WDR7: variants seen among roughly 807,000 people sequenced by gnomAD.
WDR7 encodes the protein WD repeat-containing protein 7.
A neutral mutation model predicts 169.4 loss-of-function variants in WDR7; 46 were observed. That is an observed-to-expected ratio of 0.27 (90% CI 0.21 to 0.35). The LOEUF (loss-of-function observed/expected upper bound fraction) is 0.35. Among genes scored for constraint, WDR7 ranks in the 10% least tolerant of loss-of-function variants. WDR7 has a pLI of 1.00. For missense variants in WDR7, 1,534 were observed against 1,859.3 expected, an observed-to-expected ratio of 0.83 and a Z score of 3.22; for synonymous variants, 612 against 666.8, an observed-to-expected ratio of 0.92 and a Z score of 1.27.
chr18:56,984,124 T>A (rs1335808226), intron 26 of WDR7, among the ~76,000 whole-genome samples: 4 of 152,248 alleles, frequency 2.6e-5, no homozygotes, highest in Non-Finnish European at 4.4e-5. Context: ...AAATTTTCAC[T>A]GTCCTATTTT....
In WDR7 at chr18:56,949,128, GTCTC is replaced by G. The variant is rs10537966; in HGVS notation, c.4064+9759_4064+9762del. On this transcript the variant is annotated intron_variant, in intron 25 of 27. Transcript: ENST00000254442. ...TTTTTGCCCCCACTGGTTTTCTAAA[GTCTC>G]TCTCTCTCTCTCTCTCTCTCTCTTT... Among the ~76,000 whole-genome samples, 1,213 of 143,434 alleles carry G rather than the reference GTCTC, an allele frequency of 8.5e-3. 14 individuals carry two copies. Among genetic ancestry groups the G allele is most frequent in the African/African-American group, 0.03 (1,083 of 36,602 alleles). The allele number at this position is 143,434 out of a possible 152,430, so 94.1% of individuals were successfully genotyped here. A position where few individuals can be genotyped will look rare whatever the true frequency, so the allele number is the denominator to read the frequency against.
intron 1 of WDR7, among the ~76,000 whole-genome samples, chr18:56,662,853 T>TA (rs1347967646): frequency 6.6e-6 from 1 of 151,998 alleles, no homozygotes; most frequent in African/African-American, 2.4e-5. Context: ...AAATTAGTAT[T>TA]AAAAAAAATA....
downstream of WDR7, chr18:57,033,357 T>C (rs1264781103): frequency 6.6e-6 from 1 of 152,210 alleles, no homozygotes; most frequent in Non-Finnish European, 1.5e-5. Context: ...CAAAGTTTTG[T>C]GTGATCGGAA....
chr18:56,854,901 A>G (rs1471273290), intron 20 of WDR7, among the ~76,000 whole-genome samples: 6 of 152,184 alleles, frequency 3.9e-5, no homozygotes, highest in Non-Finnish European at 8.8e-5. Context: ...TTCCAACATA[A>G]TAACAAAAGA....
intron 1 of WDR7, among the ~76,000 whole-genome samples, chr18:56,653,363 T>C (rs545109122): frequency 9.2e-5 from 14 of 152,206 alleles, no homozygotes; most frequent in Non-Finnish European, 1.5e-4. Context: ...TGTGCCACCA[T>C]GCCTGGCTAA....
At chr18:56,951,830 T>C (rs2047188620) in intron 25 of WDR7, among the ~76,000 whole-genome samples, 1 of 152,178 alleles carries the variant, frequency 6.6e-6, no homozygotes, top group African/African-American at 2.4e-5. Context: ...TAGGACCCCT[T>C]TAAACTCTTA....
chr18:56,961,546 A>G (rs2047339904), intron 25 of WDR7, among the ~76,000 whole-genome samples: 1 of 152,178 alleles, frequency 6.6e-6, no homozygotes, highest in African/African-American at 2.4e-5. Flanking sequence ...ATTCGCAGAT[A>G]TAAAATTATA....
chr18:56,990,729 A>G lies in WDR7; in HGVS notation c.4164+28200A>G, dbSNP rs147340162. ...TACTTAGGAGGTAAGCTTTACTTAT[A>G]TATACCATAGTTATTCTGTCTTACC... On this transcript the variant is annotated intron_variant, in intron 26 of 27. Transcript: ENST00000254442. 4.6e-3 allele frequency among the ~76,000 whole-genome samples: 701 copies of G among 152,312 alleles called. 6 individuals carry two copies. Among genetic ancestry groups the G allele is most frequent in the African/African-American group, 0.016 (669 of 41,564 alleles).
At chr18:56,946,647 C>T (rs1599181690) in intron 25 of WDR7, among the ~76,000 whole-genome samples, 1 of 151,958 alleles carries the variant, frequency 6.6e-6, no homozygotes, top group Non-Finnish European at 1.5e-5. Context: ...ATTCTAGAAG[C>T]TTCCCTAAGT....
At chr18:56,833,283 T>A (rs1030999000) in intron 20 of WDR7, among the ~76,000 whole-genome samples, 3 of 151,644 alleles carry the variant, frequency 2.0e-5, no homozygotes, top group Non-Finnish European at 2.9e-5. Context: ...AAGGCAAGAT[T>A]AGAGAAAAAG....
At chr18:56,662,415 A>G (rs1485158218) in intron 1 of WDR7, among the ~76,000 whole-genome samples, 1 of 152,236 alleles carries the variant, frequency 6.6e-6, no homozygotes, top group African/African-American at 2.4e-5. Context: ...GTGAAACAGG[A>G]TGGTCTTATC....
chr18:56,974,301 G>T (rs1021846714), intron 26 of WDR7, among the ~76,000 whole-genome samples: 38 of 149,794 alleles, frequency 2.5e-4, no homozygotes, highest in African/African-American at 9.1e-4. Flanking sequence ...ATCTTGCCTT[G>T]TCTTGTCCTT....
At chr18:57,006,823 T>A (rs1387461342) in intron 26 of WDR7, among the ~76,000 whole-genome samples, 2 of 152,184 alleles carry the variant, frequency 1.3e-5, no homozygotes, top group East Asian at 1.9e-4. Context: ...GTAGATTTTT[T>A]AAAGTCATTA....
At chr18:56,864,540 G>GA (rs2045854559) in intron 20 of WDR7, among the ~76,000 whole-genome samples, 1 of 151,786 alleles carries the variant, frequency 6.6e-6, no homozygotes, top group Non-Finnish European at 1.5e-5. Flanking sequence ...TACCAGTACA[G>GA]AAAAAATTAC....
intron 19 of WDR7, among the ~76,000 whole-genome samples, chr18:56,794,033 A>G (rs149580538): frequency 7.9e-5 from 12 of 152,276 alleles, no homozygotes; most frequent in African/African-American, 2.9e-4. Flanking sequence ...TTGCCAAATT[A>G]CAATTTTAGA....
intron 21 of WDR7, among the ~76,000 whole-genome samples, chr18:56,895,525 A>G (rs1351504411): frequency 1.3e-5 from 2 of 151,784 alleles, no homozygotes; most frequent in African/African-American, 4.8e-5. Flanking sequence ...TGTGGTTAAA[A>G]TAAATTAAAA....
At chr18:56,776,147 A>T (rs976759648) in intron 16 of WDR7, among the ~76,000 whole-genome samples, 17 of 151,232 alleles carry the variant, frequency 1.1e-4, no homozygotes, top group African/African-American at 2.9e-4. Flanking sequence ...ATTCACAAAA[A>T]TTTTTTTTTA....
chr18:56,753,941 T>G (rs2043833081), intron 14 of WDR7, among the ~76,000 whole-genome samples: 1 of 151,990 alleles, frequency 6.6e-6, no homozygotes, highest in Admixed American at 6.6e-5. Flanking sequence ...ATTATATGAT[T>G]ATATACAATC....
chr18:56,938,674 C>T lies in WDR7; in HGVS notation c.3973C>T (p.Leu1325Phe). ...GATGCCCACAGATGTTGTGGATCTTCTCGTGGAGGTAAGAATATCCTGTTT... is the reference window on the plus strand; with the variant it reads ...GATGCCCACAGATGTTGTGGATCTTTTCGTGGAGGTAAGAATATCCTGTTT... The part of the protein sequence containing the change: ...EKMPTDVVDL[L>F]VEVMDIIMYC... The change falls in exon 24 of 28, where the codon CTC becomes TTC. Residue 1325 changes from leucine (L) to phenylalanine (F), a missense_variant. Leu to Phe is a conservative substitution (Grantham distance 22). Coordinates refer to ENST00000254442, the MANE Select transcript of WDR7 (RefSeq NM_015285.3). The T allele has an allele frequency of 6.2e-7, 1 of 1,613,510 alleles. No individual in the cohort carries two copies. The highest frequency in any genetic ancestry group is 8.5e-7 in the Non-Finnish European group (1 of 1,179,754).
Sources: allele counts gnomAD v4.1 joint callset (sites outside exome capture counted in the v4.1 genomes callset), GRCh38; gene constraint gnomAD v4.1.1; transcripts MANE v1.5; gene names NCBI Gene and HGNC (gene_info 2026-07-23, HGNC 2026-07-21).